Variants in RTL4 observed in about 807,000 individuals in gnomAD.
RTL4 encodes retrotransposon Gag like 4, also known as retrotransposon Gag-like protein 4.
In RTL4, 4 loss-of-function variants were observed where a neutral mutation model predicts 5.3. That is an observed-to-expected ratio of 0.75 (90% CI 0.37 to 1.72). The LOEUF is 1.72. RTL4 is among the 40% of genes most tolerant of loss of function. The pLI is 0.04. For synonymous variants in RTL4, 98 were observed against 87.3 expected, an observed-to-expected ratio of 1.12 and a Z score of -0.68; for missense variants, 260 against 227.1, an observed-to-expected ratio of 1.14 and a Z score of -0.93.
At chrX:112,185,651 A>C in the RTL4 span, among the ~76,000 whole-genome samples, 1 of 105,867 alleles carries the variant, frequency 9.4e-6, no homozygotes, top group African/African-American at 3.5e-5. Flanking sequence ...ACACACACGC[A>C]CACACACACA....
At chrX:112,128,330 G>A in the RTL4 span, among the ~76,000 whole-genome samples, 24 of 111,193 alleles carry the variant, frequency 2.2e-4, no homozygotes, top group South Asian at 8.8e-3. Flanking sequence ...TATTCTCTTC[G>A]ACAAGAAATG....
At chrX:112,451,234 C>T (rs1197734933), upstream of RTL4, among the ~76,000 whole-genome samples, 5 of 111,678 alleles carry the variant, frequency 4.5e-5, no homozygotes, top group African/African-American at 1.6e-4. Flanking sequence ...ACCTGTAATC[C>T]CAGCATTTTG....
chrX:112,445,517 TA>T, the RTL4 span, among the ~76,000 whole-genome samples: 2 of 111,829 alleles, frequency 1.8e-5, no homozygotes, highest in African/African-American at 3.2e-5. Context: ...TATGTGAGGT[TA>T]AAAAACTTGG....
At chrX:112,397,334 T>C in the RTL4 span, among the ~76,000 whole-genome samples, 1 of 112,133 alleles carries the variant, frequency 8.9e-6, no homozygotes, top group African/African-American at 3.2e-5. Context: ...TGTTCTATTA[T>C]ATCGTTTTTA....
At chrX:112,400,255 T>A in the RTL4 span, among the ~76,000 whole-genome samples, 1 of 111,897 alleles carries the variant, frequency 8.9e-6, no homozygotes, top group Non-Finnish European at 1.9e-5. Flanking sequence ...CTCTGTCTGA[T>A]GCTCTATTTT....
chrX:112,281,432 AAT>A, the RTL4 span, among the ~76,000 whole-genome samples: 1 of 112,225 alleles, frequency 8.9e-6, no homozygotes, highest in African/African-American at 3.2e-5. Flanking sequence ...TATTGGGAAT[AAT>A]ACTTCAATGA....
the RTL4 span, among the ~76,000 whole-genome samples, chrX:112,376,248 C>A: frequency 9.0e-6 from 1 of 111,638 alleles, no homozygotes; most frequent in African/African-American, 3.3e-5. Context: ...AAGATAACTG[C>A]ACACTGGGGA....
the RTL4 span, among the ~76,000 whole-genome samples, chrX:112,083,236 T>C: frequency 2.5e-3 from 277 of 111,493 alleles, 3 homozygotes; most frequent in East Asian, 0.029. Flanking sequence ...GGGACAGGAG[T>C]CCCTCGGAGC....
At chrX:112,304,572 A>T in the RTL4 span, among the ~76,000 whole-genome samples, 1 of 109,610 alleles carries the variant, frequency 9.1e-6, no homozygotes, top group Non-Finnish European at 1.9e-5. Context: ...TCAACATATA[A>T]AAGGCTCCAA....
At chrX:112,298,676 G>A in the RTL4 span, among the ~76,000 whole-genome samples, 1 of 112,649 alleles carries the variant, frequency 8.9e-6, no homozygotes, top group Middle Eastern at 4.6e-3. Flanking sequence ...CTGACCCCAG[G>A]CTTTGCCTGA....
chrX:112,197,958 T>C, the RTL4 span, among the ~76,000 whole-genome samples: 1 of 111,629 alleles, frequency 9.0e-6, no homozygotes, highest in Admixed American at 9.5e-5. Context: ...GCCTCATAAA[T>C]AGCTAATCTC....
chrX:112,267,911 G>A, the RTL4 span, among the ~76,000 whole-genome samples: 15 of 111,299 alleles, frequency 1.3e-4, no homozygotes, highest in African/African-American at 4.9e-4. Flanking sequence ...TCCAAAACAT[G>A]ATGTCATGTT....
At position 112,455,338 on chromosome X, in the gene RTL4, A is replaced by G. The variant is rs138770250; in HGVS notation, c.610A>G (p.Asn204Asp). 1,369 of 1,209,790 alleles carry G rather than the reference A, an allele frequency of 1.1e-3. 12 individuals are homozygous for G. Among genetic ancestry groups the G allele is most frequent in the Middle Eastern group, 6.9e-4 (3 of 4,353 alleles). The change falls in exon 1 of 1, where the codon AAT (asparagine) becomes GAT (aspartate). Residue 204 changes from asparagine (N) to aspartate (D), a missense_variant. By Grantham distance (23) the Asn-to-Asp change is conservative. Coordinates refer to ENST00000340433, the Ensembl canonical transcript of RTL4. ...AGAGAGTGTCACTGATATGATGGAC[A>G]ATCTTCCAGACCTGATCACTCAGTG...
At chrX:112,227,016 T>A in the RTL4 span, among the ~76,000 whole-genome samples, 1 of 51,688 alleles carries the variant, frequency 1.9e-5, no homozygotes, top group African/African-American at 5.8e-5. Context: ...AAATAAAATA[T>A]AAAATAAAAT....
chrX:112,190,172 C>CTTTCTTTCTTTCTTTCTTTCTT, the RTL4 span, among the ~76,000 whole-genome samples: 322 of 92,254 alleles, frequency 3.5e-3, 2 homozygotes, highest in Non-Finnish European at 4.5e-3. Flanking sequence ...TTCTTTCTTT[C>CTTTCTTTCTTTCTTTCTTTCTT]TTTCTTTCTT....
At chrX:112,407,015 A>G in the RTL4 span, among the ~76,000 whole-genome samples, 13 of 110,027 alleles carry the variant, frequency 1.2e-4, no homozygotes, top group African/African-American at 4.3e-4. Context: ...CAGATACTAC[A>G]TCGAGGGCCT....
chrX:112,286,253 G>A, the RTL4 span, among the ~76,000 whole-genome samples: 5 of 112,037 alleles, frequency 4.5e-5, no homozygotes, highest in African/African-American at 6.5e-5. Context: ...AATACGTTTC[G>A]TGTATTTGAG....
At chrX:112,243,892 T>G in the RTL4 span, among the ~76,000 whole-genome samples, 1 of 112,050 alleles carries the variant, frequency 8.9e-6, no homozygotes, top group African/African-American at 3.2e-5. Flanking sequence ...ACTGGTACAT[T>G]GTGTCTTTGT....
chrX:112,410,230 A>T, the RTL4 span, among the ~76,000 whole-genome samples: 1 of 112,058 alleles, frequency 8.9e-6, no homozygotes, highest in African/African-American at 3.2e-5. Context: ...ATATATAAAG[A>T]TATGAAGCAA....
Sources: allele counts gnomAD v4.1 joint callset (sites outside exome capture counted in the v4.1 genomes callset), GRCh38; gene constraint gnomAD v4.1.1; transcripts MANE v1.5; gene names NCBI Gene and HGNC (gene_info 2026-07-23, HGNC 2026-07-21).